The following WDR49 variants were observed in gnomAD, a reference collection of about 807,000 sequenced individuals.
WDR49 encodes the protein WD repeat domain 49, also known as cilia- and flagella-associated protein 337.
WDR49 carries 107 observed loss-of-function variants against 119.5 expected under a neutral mutation model. The ratio of observed to expected loss-of-function variants is 0.90; its 90% CI spans 0.77 to 1.05. The LOEUF is 1.05. Ranked by LOEUF, WDR49 falls within the 50% of genes least tolerant of loss-of-function variation. The probability of loss-of-function intolerance (pLI) is 0.00; values close to 1 mark genes in which losing one functional copy is unlikely to be tolerated. For missense variants in WDR49, 1,240 were observed against 1,220.5 expected, an observed-to-expected ratio of 1.02 and a Z score of -0.24; for synonymous variants, 425 against 418.8, an observed-to-expected ratio of 1.01 and a Z score of -0.18.
intron 10 of WDR49, among the ~76,000 whole-genome samples, chr3:167,538,397 T>C (rs767717350): frequency 2.0e-5 from 3 of 152,142 alleles, no homozygotes; most frequent in Non-Finnish European, 4.4e-5. Context: ...AATACTTAGA[T>C]TATATCTCTG....
At chr3:167,570,131 G>C (rs368309276) in intron 8 of WDR49, among the ~76,000 whole-genome samples, 4 of 151,758 alleles carry the variant, frequency 2.6e-5, no homozygotes, top group African/African-American at 7.3e-5. Context: ...AATCACAACT[G>C]TATTAACAGA....
At chr3:167,488,265 T>TA (rs1364670913) in intron 18 of WDR49, among the ~76,000 whole-genome samples, 1 of 151,284 alleles carries the variant, frequency 6.6e-6, no homozygotes, top group Non-Finnish European at 1.5e-5. Flanking sequence ...AGCTGTAGGA[T>TA]AAAATCCTAA....
At chr3:167,493,106 T>C (rs1751216034) in intron 18 of WDR49, among the ~76,000 whole-genome samples, 2 of 152,110 alleles carry the variant, frequency 1.3e-5, no homozygotes, top group South Asian at 4.1e-4. Context: ...TGGATTTCTT[T>C]TCCAAGTTCC....
chr3:167,632,764 A>G (rs1190425507), intron 2 of WDR49, among the ~76,000 whole-genome samples: 2 of 152,076 alleles, frequency 1.3e-5, no homozygotes, highest in Non-Finnish European at 2.9e-5. Flanking sequence ...CTCTGGAACT[A>G]GAATTAATTC....
In WDR49 at chr3:167,635,154, T is replaced by C. The variant is rs1717552872; in HGVS notation, c.166-7862A>G. Among the ~76,000 whole-genome samples the C allele has an allele frequency of 2.0e-5, 3 of 151,824 alleles. No individual in the cohort carries two copies. In the South Asian group the frequency reaches 6.2e-4, roughly 31 times the overall value. ...TATATATATTCCTACATACACATCA[T>C]TGCTAAGCTGTCCAATTATTTCCTA... is the stretch of plus-strand genomic sequence containing the variant. On this transcript the variant is annotated intron_variant, in intron 2 of 18. Transcript: ENST00000682715.
At chr3:167,530,835 T>C (rs1258588899) in intron 13 of WDR49, among the ~76,000 whole-genome samples, 2 of 152,144 alleles carry the variant, frequency 1.3e-5, no homozygotes, top group Non-Finnish European at 2.9e-5. Flanking sequence ...ACAACAATTC[T>C]GATTGTTGCC....
intron 16 of WDR49, among the ~76,000 whole-genome samples, chr3:167,515,081 G>T (rs1215495685): frequency 1.3e-5 from 2 of 152,060 alleles, no homozygotes; most frequent in Non-Finnish European, 2.9e-5. Flanking sequence ...CATTTCTTCT[G>T]AAACTATTCC....
chr3:167,593,003 C>A (rs1000541057), intron 7 of WDR49, among the ~76,000 whole-genome samples: 2 of 152,078 alleles, frequency 1.3e-5, no homozygotes, highest in African/African-American at 2.4e-5. Context: ...TTATTTGTTT[C>A]TTTTCTCTTA....
At chr3:167,587,706 A>G (rs940335194) in intron 7 of WDR49, among the ~76,000 whole-genome samples, 1 of 150,528 alleles carries the variant, frequency 6.6e-6, no homozygotes, top group African/African-American at 2.4e-5. Context: ...CTGATCTTGA[A>G]CTCCTGGGCT....
At chr3:167,643,018 A>G (rs73878767) in intron 2 of WDR49, among the ~76,000 whole-genome samples, 2,991 of 152,200 alleles carry the variant, frequency 0.02, 94 homozygotes, top group African/African-American at 0.068. Flanking sequence ...GAAAAATGCC[A>G]TACTGAAAAT....
intron 7 of WDR49, among the ~76,000 whole-genome samples, chr3:167,593,707 T>C (rs1158811071): frequency 6.6e-6 from 1 of 152,096 alleles, no homozygotes; most frequent in East Asian, 1.9e-4. Flanking sequence ...TAGGTGTTTA[T>C]TGTAGTCTTC....
At chr3:167,560,784 T>TAA (rs60448205) in intron 8 of WDR49, among the ~76,000 whole-genome samples, 4,835 of 135,656 alleles carry the variant, frequency 0.036, 162 homozygotes, top group Admixed American at 0.073. Flanking sequence ...GATAGATTAC[T>TAA]AAAAAAAAAA....
chr3:167,514,084 G>A (rs1452771140), intron 16 of WDR49, among the ~76,000 whole-genome samples: 1 of 152,128 alleles, frequency 6.6e-6, no homozygotes, highest in Non-Finnish European at 1.5e-5. Context: ...TTCAGGGCTT[G>A]AACTCAGCTC....
At chr3:167,594,951 T>C (rs1560303339) in intron 7 of WDR49, among the ~76,000 whole-genome samples, 1 of 150,680 alleles carries the variant, frequency 6.6e-6, no homozygotes, top group Non-Finnish European at 1.5e-5. Flanking sequence ...GACGACATGA[T>C]TGTATATCTA....
chr3:167,604,419 A>G lies in WDR49; in HGVS notation c.1008T>C (p.Asn336=). ...LDAIISSTTS[N]TNSVVMAWRE... ...TCCAAGCCATCACCACACTATTTGTATTGCTGGTTGTACTGGAAATGATAG... is the reference window on the plus strand; with the variant it reads ...TCCAAGCCATCACCACACTATTTGTGTTGCTGGTTGTACTGGAAATGATAG... Residue 336 remains asparagine (N), a synonymous_variant, in exon 6 of 19, where the codon AAT becomes AAC. Coordinates refer to ENST00000682715, the MANE Select transcript of WDR49 (RefSeq NM_001366157.1). The G allele has an allele frequency of 6.2e-7, 1 of 1,613,550 alleles. No homozygotes were observed. Among genetic ancestry groups the G allele is most frequent in the Non-Finnish European group, 8.5e-7 (1 of 1,179,806 alleles).
chr3:167,585,886 A>G (rs1042786689), intron 7 of WDR49, among the ~76,000 whole-genome samples: 1 of 152,180 alleles, frequency 6.6e-6, no homozygotes, highest in Non-Finnish European at 1.5e-5. Context: ...AGGAATATTT[A>G]CTTTTTGCAC....
intron 5 of WDR49, among the ~76,000 whole-genome samples, chr3:167,607,112 T>C (rs1180127691): frequency 2.0e-5 from 3 of 152,220 alleles, no homozygotes; most frequent in Non-Finnish European, 4.4e-5. Flanking sequence ...CTCCTGGGTA[T>C]GGGGTAGGAC....
intron 7 of WDR49, among the ~76,000 whole-genome samples, chr3:167,586,007 G>C (rs1026366828): frequency 2.0e-5 from 3 of 152,072 alleles, no homozygotes; most frequent in Non-Finnish European, 4.4e-5. Context: ...AGTCGGGATG[G>C]GGAACAGTGT....
chr3:167,531,892 T>C (rs887240917), intron 12 of WDR49, among the ~76,000 whole-genome samples: 2 of 152,158 alleles, frequency 1.3e-5, no homozygotes, highest in Admixed American at 6.6e-5. Context: ...ATAAGAAATC[T>C]ATTGCAATGC....
Sources: allele counts gnomAD v4.1 joint callset (sites outside exome capture counted in the v4.1 genomes callset), GRCh38; gene constraint gnomAD v4.1.1; transcripts MANE v1.5; gene names NCBI Gene and HGNC (gene_info 2026-07-23, HGNC 2026-07-21).